Variants in LARGE1 observed in about 807,000 individuals in gnomAD.
LARGE1 encodes LARGE xylosyl- and glucuronyltransferase 1, also known as xylosyl- and glucuronyltransferase LARGE1.
Under a neutral mutation model 87.6 loss-of-function variants are expected in LARGE1, and 43 were observed. That is an observed-to-expected ratio of 0.49 (90% CI 0.38 to 0.63). The LOEUF (loss-of-function observed/expected upper bound fraction) is 0.63. Among genes scored for constraint, LARGE1 ranks in the 30% least tolerant of loss-of-function variants. The probability of loss-of-function intolerance (pLI) is 0.00; values close to 1 mark genes in which losing one functional copy is unlikely to be tolerated. For synonymous variants in LARGE1, 434 were observed against 394.6 expected (o/e 1.10, Z -1.18); for missense variants, 802 against 1,000.2 (o/e 0.80, Z 2.67).
intron 1 of LARGE1, among the ~76,000 whole-genome samples, chr22:33,857,624 C>T (rs1439043891): frequency 6.6e-6 from 1 of 152,198 alleles, no homozygotes; most frequent in Non-Finnish European, 1.5e-5. Flanking sequence ...GAGAGAATCT[C>T]TAGCCTATCA....
chr22:33,640,887 C>T (rs567847234), intron 3 of LARGE1, among the ~76,000 whole-genome samples: 15 of 152,348 alleles, frequency 9.8e-5, no homozygotes, highest in Middle Eastern at 3.4e-3. Context: ...CTGGGCAGGA[C>T]ACCTCTGAAA....
At chr22:33,825,371 C>T (rs565092821) in intron 1 of LARGE1, among the ~76,000 whole-genome samples, 10 of 125,796 alleles carry the variant, frequency 7.9e-5, no homozygotes, top group Admixed American at 4.8e-4. Flanking sequence ...AAGACATACC[C>T]GAGACTGGGT....
chr22:33,408,535 G>T (rs1298650931), intron 7 of LARGE1, among the ~76,000 whole-genome samples: 1 of 152,076 alleles, frequency 6.6e-6, no homozygotes, highest in East Asian at 1.9e-4. Flanking sequence ...ATTTATCAGG[G>T]TTTTCTAATA....
At chr22:33,718,605 T>C (rs1440955338) in intron 2 of LARGE1, among the ~76,000 whole-genome samples, 2 of 152,234 alleles carry the variant, frequency 1.3e-5, no homozygotes, top group African/African-American at 4.8e-5. Context: ...CTTTCCATCC[T>C]GATCCACAGT....
intron 12 of LARGE1, among the ~76,000 whole-genome samples, chr22:33,291,349 T>C (rs1932516078): frequency 1.3e-5 from 2 of 152,194 alleles, no homozygotes; most frequent in South Asian, 4.1e-4. Context: ...TTCCAGTTAC[T>C]TGCCAGTTTC....
intron 11 of LARGE1, among the ~76,000 whole-genome samples, chr22:33,253,675 G>A (rs986822720): frequency 1.3e-5 from 2 of 152,196 alleles, no homozygotes; most frequent in African/African-American, 2.4e-5. Flanking sequence ...TTGCACCATC[G>A]CACTCCAGCC....
the LARGE1 span, among the ~76,000 whole-genome samples, chr22:33,146,610 C>T: frequency 6.6e-6 from 1 of 152,172 alleles, no homozygotes; most frequent in East Asian, 1.9e-4. Context: ...TTGCAGGCAG[C>T]AAACCAAAGC....
the LARGE1 span, among the ~76,000 whole-genome samples, chr22:33,123,898 G>A: frequency 9.8e-5 from 15 of 152,332 alleles, no homozygotes; most frequent in Non-Finnish European, 2.1e-4. Flanking sequence ...TGCTAGAGGG[G>A]AACAAGTGTG....
intron 6 of LARGE1, among the ~76,000 whole-genome samples, chr22:33,489,242 A>T (rs991228726): frequency 1.3e-5 from 2 of 152,242 alleles, no homozygotes; most frequent in Non-Finnish European, 2.9e-5. Context: ...TGCTACGAAG[A>T]TCACAAAATG....
chr22:33,427,662 A>C (rs1240786126), intron 7 of LARGE1, among the ~76,000 whole-genome samples: 1 of 152,366 alleles, frequency 6.6e-6, no homozygotes, highest in Non-Finnish European at 1.5e-5. Flanking sequence ...ATTAGCTGAA[A>C]AGAGTTATTC....
intron 13 of LARGE1, among the ~76,000 whole-genome samples, chr22:33,281,347 A>C (rs932928308): frequency 1.3e-5 from 2 of 152,048 alleles, no homozygotes; most frequent in African/African-American, 4.8e-5. Flanking sequence ...TGAAAGTCTC[A>C]ATTCTGAGGA....
At chr22:33,907,931 T>A (rs1463885298) in intron 1 of LARGE1, among the ~76,000 whole-genome samples, 6 of 152,130 alleles carry the variant, frequency 3.9e-5, no homozygotes, top group Non-Finnish European at 7.4e-5. Context: ...CAGTGATGAC[T>A]AAGATGCATT....
At chr22:33,888,157 A>G (rs1388170578) in intron 1 of LARGE1, among the ~76,000 whole-genome samples, 3 of 152,156 alleles carry the variant, frequency 2.0e-5, no homozygotes, top group Admixed American at 2.0e-4. Flanking sequence ...TACCAAAGCA[A>G]TGCCTCACCT....
chr22:33,803,050 G>A (rs1029230829), intron 1 of LARGE1, among the ~76,000 whole-genome samples: 6 of 152,082 alleles, frequency 3.9e-5, no homozygotes, highest in Non-Finnish European at 5.9e-5. Context: ...AGATGACGAC[G>A]GATACCAAGG....
intron 7 of LARGE1, among the ~76,000 whole-genome samples, chr22:33,413,372 C>T (rs944379173): frequency 6.6e-6 from 1 of 152,134 alleles, no homozygotes. Flanking sequence ...ATTTTTCCTA[C>T]ATATATTTTA....
At chr22:33,267,113 G>A (rs577429311) in intron 11 of LARGE1, among the ~76,000 whole-genome samples, 5 of 151,698 alleles carry the variant, frequency 3.3e-5, no homozygotes, top group South Asian at 4.1e-4. Flanking sequence ...GGTGGCGTTC[G>A]CCTGTAATCC....
chr22:33,105,909 A>G, the LARGE1 span: 22,170 of 152,332 alleles, frequency 0.15, 2,101 homozygotes, highest in East Asian at 0.41. Flanking sequence ...CTGGAAGCCA[A>G]GTGGCACTAG....
intron 1 of LARGE1, among the ~76,000 whole-genome samples, chr22:33,804,462 A>G (rs1297227818): frequency 6.6e-6 from 1 of 152,144 alleles, no homozygotes; most frequent in Non-Finnish European, 1.5e-5. Context: ...ATACAAAGCA[A>G]TTTGCAGGTT....
At chr22:33,589,094 T>C (rs761862110) in intron 5 of LARGE1, among the ~76,000 whole-genome samples, 2 of 152,202 alleles carry the variant, frequency 1.3e-5, no homozygotes, top group Non-Finnish European at 2.9e-5. Flanking sequence ...TAAATCTGCA[T>C]GGAATTTCCC....
Sources: allele counts gnomAD v4.1 joint callset (sites outside exome capture counted in the v4.1 genomes callset), GRCh38; gene constraint gnomAD v4.1.1; transcripts MANE v1.5; gene names NCBI Gene and HGNC (gene_info 2026-07-23, HGNC 2026-07-21).